The following DYRK1A variants were observed in gnomAD, a reference collection of about 807,000 sequenced individuals.
DYRK1A encodes dual specificity tyrosine-phosphorylation-regulated kinase 1A.
Under a neutral mutation model 79.7 loss-of-function variants are expected in DYRK1A, and 9 were observed. The ratio of observed to expected loss-of-function variants is 0.11; its 90% confidence interval spans 0.07 to 0.20. The LOEUF (loss-of-function observed/expected upper bound fraction) is 0.20. Ranked by LOEUF, DYRK1A falls within the 10% of genes least tolerant of loss-of-function variation. The pLI is 1.00. For synonymous variants in DYRK1A, 349 were observed against 329.7 expected, an observed-to-expected ratio of 1.06 and a Z score of -0.63; for missense variants, 622 against 956.0, an observed-to-expected ratio of 0.65 and a Z score of 4.61.
intron 1 of DYRK1A, among the ~76,000 whole-genome samples, chr21:37,399,127 C>T (rs2050009900): frequency 7.2e-6 from 1 of 139,672 alleles, no homozygotes; most frequent in South Asian, 2.4e-4. Flanking sequence ...TCACTTTAAT[C>T]ATTCCCAACA....
chr21:37,397,985 C>G (rs758792018), intron 1 of DYRK1A, among the ~76,000 whole-genome samples: 1 of 151,502 alleles, frequency 6.6e-6, no homozygotes, highest in Admixed American at 6.6e-5. Context: ...CACCTGTAAT[C>G]CCAGCAAACT....
intron 1 of DYRK1A, among the ~76,000 whole-genome samples, chr21:37,408,343 CA>C (rs540541040): frequency 1.3e-5 from 2 of 152,348 alleles, no homozygotes; most frequent in South Asian, 4.1e-4. Flanking sequence ...AAACTGAAAA[CA>C]TATACAGAAG....
In DYRK1A at chr21:37,407,051, T is replaced by C. The variant is rs1033108229; in HGVS notation, c.-76-13248T>C. On this transcript the variant is annotated intron_variant, in intron 1 of 11. Coordinates refer to ENST00000647188, the MANE Select transcript of DYRK1A (RefSeq NM_001347721.2). ...GGTTTGCTGTTTTTTCTTCTGGACA[T>C]TTTCCTTTGCGTCTTCATTTATATA... is the stretch of plus-strand genomic sequence containing the variant. Among the ~76,000 whole-genome samples the C allele has an allele frequency of 5.9e-5, 9 of 152,058 alleles. No individual in the cohort carries two copies. In the South Asian group the frequency reaches 1.2e-3, roughly 21 times the overall value.
chr21:37,377,410 T>C (rs575599400), intron 1 of DYRK1A, among the ~76,000 whole-genome samples: 1 of 152,220 alleles, frequency 6.6e-6, no homozygotes, highest in South Asian at 2.1e-4. Flanking sequence ...TGAGCCACCG[T>C]GCCCCGCATT....
intron 1 of DYRK1A, among the ~76,000 whole-genome samples, chr21:37,400,708 C>G (rs1216201006): frequency 1.3e-5 from 2 of 152,116 alleles, no homozygotes; most frequent in Non-Finnish European, 2.9e-5. Flanking sequence ...AAAAATGAGT[C>G]TGAGTTTAGG....
At chr21:37,366,742 G>T (rs1409592314), upstream of DYRK1A, among the ~76,000 whole-genome samples, 2 of 151,978 alleles carry the variant, frequency 1.3e-5, no homozygotes, top group African/African-American at 4.8e-5. Flanking sequence ...GTCAGCCGGG[G>T]TTTTGCGTTT....
chr21:37,516,522 C>T lies in DYRK1A; in HGVS notation c.*3991C>T, dbSNP rs554445945. 3.3e-5 allele frequency: 5 copies of T among 152,344 alleles called. No homozygotes were observed. The highest frequency in any genetic ancestry group is 1.2e-4 in the African/African-American group (5 of 41,570). 9.4% of individuals were successfully genotyped at this position (152,344 alleles called of 1,614,324 possible). Reference sequence around the variant, plus strand: ...AAGAAGATAGCTTATTTGTTATCCTCCCTTTTAATGACTAACCTTAATCCA... The same window carrying T: ...AAGAAGATAGCTTATTTGTTATCCTTCCTTTTAATGACTAACCTTAATCCA... On this transcript the variant is annotated 3_prime_UTR_variant, in exon 12 of 12. Transcript: ENST00000647188.
chr21:37,493,286 T>C, intron 8 of DYRK1A, 123 bp downstream of exon 8: 1 of 886,020 alleles, frequency 1.1e-6, no homozygotes, highest in Non-Finnish European at 1.7e-6. Flanking sequence ...AAATGTGAGG[T>C]CAGTTTGAAT....
intron 6 of DYRK1A, chr21:37,488,474 C>A: frequency 5.2e-6 from 4 of 768,682 alleles, no homozygotes; most frequent in Non-Finnish European, 6.3e-6. Context: ...TACTTCTTTA[C>A]TGTGTAGCCA....
rs1478001900 is a variant in DYRK1A at position 37,516,338 on chromosome 21, A to C, written c.*3807A>C. The stretch of plus-strand genomic sequence containing the variant: ...CAGATTTCTTAAAAATCTGCTAGGG[A>C]TGTCTGTTGACCAGACGTTGGAAAA... On this transcript the variant is annotated 3_prime_UTR_variant, in exon 12 of 12. Coordinates refer to ENST00000647188, the MANE Select transcript of DYRK1A (RefSeq NM_001347721.2). The C allele has an allele frequency of 1.3e-5, 2 of 152,178 alleles. No homozygotes were observed. Among genetic ancestry groups the C allele is most frequent in the Non-Finnish European group, 2.9e-5 (2 of 68,020 alleles). The allele number at this position is 152,178 out of a possible 1,614,324, so 9.4% of individuals were successfully genotyped here. A position where few individuals can be genotyped will look rare whatever the true frequency, so the allele number is the denominator to read the frequency against.
chr21:37,408,187 C>T (rs1324412129), intron 1 of DYRK1A, among the ~76,000 whole-genome samples: 1 of 152,210 alleles, frequency 6.6e-6, no homozygotes, highest in African/African-American at 2.4e-5. Context: ...GCTCTCTTGT[C>T]AGAAAGTGTC....
intron 1 of DYRK1A, among the ~76,000 whole-genome samples, chr21:37,409,775 T>C (rs2050210746): frequency 6.6e-6 from 1 of 152,236 alleles, no homozygotes; most frequent in African/African-American, 2.4e-5. Context: ...ATGTATTTAT[T>C]CTACTCTTCT....
rs376408265 is a variant in DYRK1A, at chr21:37,522,694, G to C, written c.*10163G>C. 2.0e-5 allele frequency: 3 copies of C among 152,210 alleles called. No homozygotes were observed. Among genetic ancestry groups the C allele is most frequent in the African/African-American group, 7.2e-5 (3 of 41,444 alleles). The allele number at this position is 152,210 out of a possible 1,614,324, so 9.4% of individuals were successfully genotyped here. Reference sequence around the variant, plus strand: ...GGAGATGTTGAACAGGTTTCTCTCCGACAATCGTCTCGTTTAATTGTGAAA... The same window carrying C: ...GGAGATGTTGAACAGGTTTCTCTCCCACAATCGTCTCGTTTAATTGTGAAA... On this transcript the variant is annotated 3_prime_UTR_variant, in exon 12 of 12. Transcript: ENST00000647188.
intron 1 of DYRK1A, among the ~76,000 whole-genome samples, chr21:37,376,954 T>A (rs2049555273): frequency 6.6e-6 from 1 of 152,180 alleles, no homozygotes; most frequent in African/African-American, 2.4e-5. Context: ...TTATATATAT[T>A]ATACTTTTAG....
chr21:37,515,705 G>A lies in DYRK1A; in HGVS notation c.*3174G>A, dbSNP rs540805334. The A allele has an allele frequency of 3.3e-5, 5 of 152,140 alleles. No individual in the cohort carries two copies. The highest frequency in any genetic ancestry group is 1.2e-4 in the African/African-American group (5 of 41,498). The allele number at this position is 152,140 out of a possible 1,614,324, so 9.4% of individuals were successfully genotyped here. ...GGCAAGATGCTTATTTAAAAGTTAAGCGTGAATCTGTAAAATTAAGGTTGG... is the reference window on the plus strand; with the variant it reads ...GGCAAGATGCTTATTTAAAAGTTAAACGTGAATCTGTAAAATTAAGGTTGG... On this transcript the variant is annotated 3_prime_UTR_variant, in exon 12 of 12. Transcript: ENST00000647188.
In DYRK1A at chr21:37,478,225, C is replaced by T; in HGVS notation, c.225C>T (p.Thr75=). The T allele has an allele frequency of 6.2e-7, 1 of 1,614,140 alleles. No individual in the cohort carries two copies. The change falls in exon 4 of 12, where the codon ACC becomes ACT. Residue 75 remains threonine (T), a synonymous_variant. Transcript: ENST00000647188. ...PLTNQRRMPQ[T]FRDPATAPLR... is the part of the protein sequence containing the mutation. Reference sequence around the variant, plus strand: ...TGTTACAGAGGCGGATGCCCCAAACCTTCCGTGACCCAGCAACTGCTCCCC... The same window carrying T: ...TGTTACAGAGGCGGATGCCCCAAACTTTCCGTGACCCAGCAACTGCTCCCC...
chr21:37,377,234 C>A (rs1031344865), intron 1 of DYRK1A, among the ~76,000 whole-genome samples: 1 of 152,292 alleles, frequency 6.6e-6, no homozygotes, highest in East Asian at 1.9e-4. Flanking sequence ...ATTCTCCTAT[C>A]TCAGCCTCCC....
intron 1 of DYRK1A, among the ~76,000 whole-genome samples, chr21:37,395,214 AG>A (rs1243261278): frequency 3.3e-5 from 5 of 152,256 alleles, no homozygotes; most frequent in Non-Finnish European, 7.3e-5. Flanking sequence ...AAAGCTCACT[AG>A]GAAATGTAGA....
chr21:37,370,303 T>TCC (rs1192604224), intron 1 of DYRK1A, among the ~76,000 whole-genome samples: 4 of 152,060 alleles, frequency 2.6e-5, no homozygotes, highest in Admixed American at 6.6e-5. Flanking sequence ...TTTTTTTTTT[T>TCC]AAGAAATAGC....
Sources: allele counts gnomAD v4.1 joint callset (sites outside exome capture counted in the v4.1 genomes callset), GRCh38; gene constraint gnomAD v4.1.1; transcripts MANE v1.5; gene names NCBI Gene and HGNC (gene_info 2026-07-23, HGNC 2026-07-21).